The following DISC1 variants were observed in gnomAD, a reference collection of about 807,000 sequenced individuals.
DISC1 encodes the protein disrupted in schizophrenia 1 protein.
Under a neutral mutation model 84.5 loss-of-function variants are expected in DISC1, and 57 were observed. The observed-to-expected ratio is 0.67, with a 90% confidence interval of 0.55 to 0.84. The LOEUF is 0.84. DISC1 is among the 40% of genes least tolerant of loss of function. DISC1 has a pLI of 0.00. For synonymous variants in DISC1, 411 were observed against 415.2 expected (o/e 0.99, Z 0.12); for missense variants, 1,000 against 1,057.8 (o/e 0.95, Z 0.76).
chr1:231,968,041 A>G (rs1661352526), intron 10 of DISC1, among the ~76,000 whole-genome samples: 1 of 152,228 alleles, frequency 6.6e-6, no homozygotes, highest in Admixed American at 6.5e-5. Context: ...GTAACACTTT[A>G]CAATGTAAAA....
intron 9 of DISC1, among the ~76,000 whole-genome samples, chr1:231,912,038 C>A (rs1395216812): frequency 6.6e-6 from 1 of 152,134 alleles, no homozygotes; most frequent in Non-Finnish European, 1.5e-5. Flanking sequence ...CATTTAAGGT[C>A]TTTTCTATGC....
chr1:231,752,499 A>G (rs1384152781), intron 4 of DISC1, among the ~76,000 whole-genome samples: 2 of 152,006 alleles, frequency 1.3e-5, no homozygotes, highest in Non-Finnish European at 2.9e-5. Context: ...TGAAGTATCC[A>G]CCCCCATGAT....
At chr1:231,861,338 C>G (rs971770215) in intron 9 of DISC1, among the ~76,000 whole-genome samples, 5 of 151,574 alleles carry the variant, frequency 3.3e-5, no homozygotes, top group African/African-American at 9.7e-5. Flanking sequence ...CTACATTGAC[C>G]AGGCTAGTCT....
chr1:231,942,552 C>T (rs1174129077), intron 9 of DISC1, among the ~76,000 whole-genome samples: 2 of 152,154 alleles, frequency 1.3e-5, no homozygotes, highest in Admixed American at 1.3e-4. Context: ...GTAGTCCCAG[C>T]TACTCAGAAG....
In DISC1 at chr1:231,954,769, C is replaced by T. The variant is rs1274683856; in HGVS notation, c.1982-4059C>T. 4.6e-5 allele frequency among the ~76,000 whole-genome samples: 7 copies of T among 152,188 alleles called. No individual in the cohort carries two copies. Among genetic ancestry groups the T allele is most frequent in the Non-Finnish European group, 8.8e-5 (6 of 68,048 alleles). Reference sequence around the variant, plus strand: ...CAGCGTGTCTGTGGCTGTATTGATTCGGAAGTTTAAAATCTAAACTCCCTG... The same window carrying T: ...CAGCGTGTCTGTGGCTGTATTGATTTGGAAGTTTAAAATCTAAACTCCCTG... On this transcript the variant is annotated intron_variant, in intron 9 of 12. Transcript: ENST00000439617. The surrounding 1 kb of genome is among the most constrained non-coding windows in gnomAD (Gnocchi z 4.8).
intron 1 of DISC1, among the ~76,000 whole-genome samples, chr1:231,667,805 A>C (rs1421252961): frequency 6.6e-6 from 1 of 152,202 alleles, no homozygotes; most frequent in Non-Finnish European, 1.5e-5. Context: ...AATAAATATT[A>C]TTAGCATTTA....
intron 9 of DISC1, among the ~76,000 whole-genome samples, chr1:231,949,627 G>A (rs573319120): frequency 4.6e-5 from 7 of 152,210 alleles, no homozygotes; most frequent in African/African-American, 1.7e-4. Flanking sequence ...TGCGTAGTCC[G>A]GATCTGGCTG....
At chr1:231,831,410 C>T (rs1385256454) in intron 9 of DISC1, among the ~76,000 whole-genome samples, 4 of 152,170 alleles carry the variant, frequency 2.6e-5, no homozygotes, top group Admixed American at 1.3e-4. Flanking sequence ...AGATATTTTC[C>T]TTGGTCTAAG....
intron 11 of DISC1, among the ~76,000 whole-genome samples, chr1:232,019,972 G>A (rs1429822818): frequency 6.6e-6 from 1 of 152,130 alleles, no homozygotes; most frequent in Non-Finnish European, 1.5e-5. Context: ...GAGAGTAGAA[G>A]GGAAGAGAAC....
chr1:231,677,931 C>T (rs1317215630), intron 1 of DISC1, among the ~76,000 whole-genome samples: 2 of 151,750 alleles, frequency 1.3e-5, no homozygotes, highest in East Asian at 1.9e-4. Flanking sequence ...GAGCCAAGAG[C>T]GTGCCATTGC....
chr1:231,778,474 C>A (rs984694205), intron 6 of DISC1, among the ~76,000 whole-genome samples: 2 of 152,190 alleles, frequency 1.3e-5, no homozygotes, highest in African/African-American at 4.8e-5. Flanking sequence ...CTGTGACCAT[C>A]CACAGGCCAC....
intron 9 of DISC1, among the ~76,000 whole-genome samples, chr1:231,868,351 C>A (rs1209925696): frequency 6.6e-6 from 1 of 151,958 alleles, no homozygotes; most frequent in African/African-American, 2.4e-5. Flanking sequence ...TCATCTCTTT[C>A]TTTATTCCTT....
intron 1 of DISC1, among the ~76,000 whole-genome samples, chr1:231,652,183 G>C (rs1302287005): frequency 1.3e-5 from 2 of 152,218 alleles, no homozygotes; most frequent in Non-Finnish European, 2.9e-5. Context: ...CATGCTGGGA[G>C]CTGCAGACCA....
At chr1:231,933,846 C>T (rs949800693) in intron 9 of DISC1, among the ~76,000 whole-genome samples, 3 of 152,100 alleles carry the variant, frequency 2.0e-5, no homozygotes, top group South Asian at 2.1e-4. Context: ...TGTCATTGGC[C>T]CAGCCTCCTG....
At chr1:231,759,789 A>T (rs1383803255) in intron 4 of DISC1, among the ~76,000 whole-genome samples, 1 of 152,150 alleles carries the variant, frequency 6.6e-6, no homozygotes, top group Non-Finnish European at 1.5e-5. Flanking sequence ...GAACCACAAG[A>T]GACAGTGGCA....
chr1:231,974,669 C>T (rs1192376072), intron 10 of DISC1, among the ~76,000 whole-genome samples: 2 of 152,178 alleles, frequency 1.3e-5, no homozygotes, highest in Non-Finnish European at 2.9e-5. Flanking sequence ...TTAATTTTGT[C>T]AACTTTATGA....
intron 9 of DISC1, among the ~76,000 whole-genome samples, chr1:231,914,461 G>A (rs1197443649): frequency 1.3e-5 from 2 of 152,238 alleles, no homozygotes; most frequent in Admixed American, 1.3e-4. Flanking sequence ...CCTTGTCACA[G>A]CTCTGCTCGG....
intron 9 of DISC1, among the ~76,000 whole-genome samples, chr1:231,955,033 C>T (rs116251099): frequency 0.014 from 2,106 of 152,310 alleles, 25 homozygotes; most frequent in Non-Finnish European, 0.022. Context: ...GAGGCAAATA[C>T]TTAGCATTCA....
chr1:231,945,298 A>G (rs1299601634), intron 9 of DISC1: 1 of 152,242 alleles, frequency 6.6e-6, no homozygotes, highest in Non-Finnish European at 1.5e-5. Context: ...AGAACTCAAG[A>G]TTAAGGAACT....
Sources: allele counts gnomAD v4.1 joint callset (sites outside exome capture counted in the v4.1 genomes callset), GRCh38; gene constraint gnomAD v4.1.1; non-coding constraint Gnocchi (gnomAD v3.1); transcripts MANE v1.5; gene names NCBI Gene and HGNC (gene_info 2026-07-23, HGNC 2026-07-21).